Variants in GTF2A1L observed in about 807,000 individuals in gnomAD.
GTF2A1L encodes TFIIA-alpha and beta-like factor.
A neutral mutation model predicts 49.7 loss-of-function variants in GTF2A1L; 48 were observed. That is an observed-to-expected ratio of 0.97 (90% CI 0.77 to 1.23). The LOEUF is 1.23. Among genes scored for constraint, GTF2A1L ranks in the 50% most tolerant of loss-of-function variants. The pLI, the probability that GTF2A1L is intolerant of heterozygous loss-of-function variation, is 0.00. For missense variants in GTF2A1L, 736 were observed against 564.8 expected, an observed-to-expected ratio of 1.30 and a Z score of -3.07; for synonymous variants, 246 against 193.5, an observed-to-expected ratio of 1.27 and a Z score of -2.25.
intron 3 of GTF2A1L, among the ~76,000 whole-genome samples, chr2:48,636,834 G>A (rs1198598889): frequency 6.6e-6 from 1 of 152,102 alleles, no homozygotes; most frequent in Non-Finnish European, 1.5e-5. Context: ...AAATTGGGAC[G>A]TGTAGTCACC....
chr2:48,625,906 C>T lies in GTF2A1L; in HGVS notation c.247+4616C>T, dbSNP rs79033228. ...CTTATTTATTTTCGCTTTTGTAGCC[C>T]GAGCTTTTGGTGTGATATCCAAAAA... On this transcript the variant is annotated intron_variant, in intron 3 of 8. Transcript: ENST00000403751. 7.9e-3 allele frequency among the ~76,000 whole-genome samples: 1,128 copies of T among 143,492 alleles called. 81 individuals are homozygous for T. Among genetic ancestry groups the T allele is most frequent in the African/African-American group, 0.027 (1,077 of 40,354 alleles). 94.1% of individuals were successfully genotyped at this position (143,492 alleles called of 152,430 possible). A position where few individuals can be genotyped will look rare whatever the true frequency, so the allele number is the denominator to read the frequency against.
intron 3 of GTF2A1L, among the ~76,000 whole-genome samples, chr2:48,637,424 A>G (rs978062320): frequency 7.2e-5 from 11 of 152,218 alleles, no homozygotes; most frequent in African/African-American, 2.7e-4. Flanking sequence ...TACTATTTCT[A>G]ATGAGAACAA....
At chr2:48,643,934 A>C (rs952346511) in intron 4 of GTF2A1L, among the ~76,000 whole-genome samples, 61 of 152,126 alleles carry the variant, frequency 4.0e-4, no homozygotes, top group African/African-American at 1.4e-3. Context: ...CCTGACCTCA[A>C]GTGATCCACC....
chr2:48,656,717 T>C (rs1192552057), intron 6 of GTF2A1L, among the ~76,000 whole-genome samples: 4 of 152,134 alleles, frequency 2.6e-5, no homozygotes, highest in Non-Finnish European at 4.4e-5. Flanking sequence ...ATTTTATCTA[T>C]TTTTTTCTTT....
At chr2:48,633,757 G>A (rs995140513) in intron 3 of GTF2A1L, among the ~76,000 whole-genome samples, 4 of 152,152 alleles carry the variant, frequency 2.6e-5, no homozygotes, top group East Asian at 1.9e-4. Flanking sequence ...CACCATTATC[G>A]TATGGCTGTA....
At chr2:48,671,509 C>T in intron 7 of GTF2A1L, 82 bp from the exon 8 acceptor site, 1 of 1,427,736 alleles carries the variant, frequency 7.0e-7, no homozygotes, top group Non-Finnish European at 9.5e-7. Flanking sequence ...GAGACAAGTT[C>T]CTTTATTTCT....
At chr2:48,657,054 A>T (rs1020407114) in intron 6 of GTF2A1L, among the ~76,000 whole-genome samples, 3 of 152,162 alleles carry the variant, frequency 2.0e-5, no homozygotes, top group African/African-American at 7.2e-5. Flanking sequence ...ACACCTGTCT[A>T]TACATTAATA....
intron 8 of GTF2A1L, among the ~76,000 whole-genome samples, chr2:48,674,689 C>G (rs1384070498): frequency 6.6e-6 from 1 of 152,146 alleles, no homozygotes; most frequent in Non-Finnish European, 1.5e-5. Flanking sequence ...GCAGAATTTT[C>G]TAGACCATTA....
chr2:48,668,634 A>C (rs1678988324), intron 6 of GTF2A1L: 1 of 152,182 alleles, frequency 6.6e-6, no homozygotes, highest in African/African-American at 2.4e-5. Flanking sequence ...GATCTACATC[A>C]TCCTGGCTAA....
At chr2:48,674,620 C>G (rs1040709005) in intron 8 of GTF2A1L, among the ~76,000 whole-genome samples, 1 of 151,830 alleles carries the variant, frequency 6.6e-6, no homozygotes, top group Non-Finnish European at 1.5e-5. Flanking sequence ...CAATATATTG[C>G]CTTCTATAAA....
At chr2:48,621,318 G>A (rs1267537091) in intron 3 of GTF2A1L, 28 bp downstream of exon 3, 24 of 1,613,480 alleles carry the variant, frequency 1.5e-5, no homozygotes, top group East Asian at 4.5e-5. Context: ...AATGAGTACT[G>A]TTAGTATCTT....
At chr2:48,637,601 AG>A (rs1676972595) in intron 3 of GTF2A1L, among the ~76,000 whole-genome samples, 1 of 152,214 alleles carries the variant, frequency 6.6e-6, no homozygotes, top group South Asian at 2.1e-4. Flanking sequence ...CAAAGCTAGC[AG>A]AAGACAAGAA....
intron 3 of GTF2A1L, among the ~76,000 whole-genome samples, chr2:48,625,121 A>G (rs1251429189): frequency 6.9e-6 from 1 of 143,944 alleles, no homozygotes; most frequent in Non-Finnish European, 1.6e-5. Context: ...TTTTTAATTT[A>G]TTTAGGAATC....
chr2:48,652,687 A>G (rs1677920809), intron 6 of GTF2A1L, among the ~76,000 whole-genome samples: 1 of 151,212 alleles, frequency 6.6e-6, no homozygotes, highest in South Asian at 2.1e-4. Context: ...AATTGACTTT[A>G]TTATTATTAT....
In GTF2A1L at chr2:48,646,649, G is replaced by A. The variant is rs1475040558; in HGVS notation, c.585G>A (p.Gln195=). 1.9e-6 allele frequency: 3 copies of A among 1,613,968 alleles called. No individual in the cohort carries two copies. The highest frequency in any genetic ancestry group is 2.5e-6 in the Non-Finnish European group (3 of 1,180,024). Reference sequence around the variant, plus strand: ...CACAGAGAATTGAAACCGTGCTACAGCAACCCGCAATTCTACCTTCTGGGC... The same window carrying A: ...CACAGAGAATTGAAACCGTGCTACAACAACCCGCAATTCTACCTTCTGGGC... ...EKSQRIETVL[Q]QPAILPSGPV... The change falls in exon 6 of 9, where the codon CAG becomes CAA. Residue 195 remains glutamine (Q), a synonymous_variant. Coordinates refer to ENST00000403751, the MANE Select transcript of GTF2A1L (RefSeq NM_006872.5).
intron 6 of GTF2A1L, among the ~76,000 whole-genome samples, chr2:48,653,267 A>G (rs2104234486): frequency 6.6e-6 from 1 of 151,880 alleles, no homozygotes; most frequent in African/African-American, 2.4e-5. Flanking sequence ...TTAAAGAGGC[A>G]TGATATATAT....
At chr2:48,669,675 T>C (rs1679057678) in intron 6 of GTF2A1L, 47 bp from the exon 7 acceptor site, 3 of 1,553,570 alleles carry the variant, frequency 1.9e-6, no homozygotes, top group Non-Finnish European at 2.6e-6. Context: ...CAATATTTTA[T>C]ATACCTTATT....
intron 1 of GTF2A1L, chr2:48,618,244 C>A: frequency 3.6e-6 from 1 of 275,750 alleles, no homozygotes; most frequent in Non-Finnish European, 6.8e-6. Flanking sequence ...TTAATTTTAC[C>A]GTGGACATTG....
chr2:48,650,661 A>T lies in GTF2A1L; in HGVS notation c.978+3619A>T, dbSNP rs192351619. On this transcript the variant is annotated intron_variant, in intron 6 of 8. Coordinates refer to ENST00000403751, the MANE Select transcript of GTF2A1L (RefSeq NM_006872.5). ...TCAAAATCAGAGATGTTTAAACCAG[A>T]TATGTGACTTTTTCTTCATTATAAG... Among the ~76,000 whole-genome samples, 29 of 152,306 alleles carry T rather than the reference A, an allele frequency of 1.9e-4. No homozygotes were observed. The East Asian group carries it at 5.6e-3, about 29-fold the overall frequency.
Sources: gnomAD v4.1 joint callset for allele counts (sites outside exome capture counted in the v4.1 genomes callset) on GRCh38, gnomAD v4.1.1 for gene constraint, MANE v1.5 for transcripts, NCBI Gene and HGNC (gene_info 2026-07-23, HGNC 2026-07-21) for gene names.